GRID2: variants seen among roughly 807,000 people sequenced by gnomAD.
The protein encoded by GRID2 is glutamate ionotropic receptor delta type subunit 2.
A neutral mutation model predicts 114.8 loss-of-function variants in GRID2; 33 were observed. The observed-to-expected ratio is 0.29, with a 90% CI of 0.22 to 0.38. The LOEUF is 0.38. Ranked by LOEUF, GRID2 falls within the 10% of genes least tolerant of loss-of-function variation. GRID2 has a pLI of 1.00. For missense variants in GRID2, 1,184 were observed against 1,257.7 expected (o/e 0.94, Z 0.89); for synonymous variants, 505 against 449.9 (o/e 1.12, Z -1.55).
intron 1 of GRID2, among the ~76,000 whole-genome samples, chr4:92,587,681 A>G (rs1728513067): frequency 6.6e-6 from 1 of 152,208 alleles, no homozygotes; most frequent in Non-Finnish European, 1.5e-5. Context: ...CTGTTTGCAG[A>G]AAGATGAACT....
intron 14 of GRID2, among the ~76,000 whole-genome samples, chr4:93,750,542 A>G (rs1321789892): frequency 4.6e-5 from 7 of 151,844 alleles, no homozygotes; most frequent in African/African-American, 1.5e-4. Flanking sequence ...GGCCAAGGTG[A>G]GTGGATCACA....
chr4:93,095,917 G>T (rs927958451), intron 3 of GRID2, among the ~76,000 whole-genome samples: 1 of 151,940 alleles, frequency 6.6e-6, no homozygotes, highest in African/African-American at 2.4e-5. Flanking sequence ...CTAACATTGT[G>T]TAAAGATCTT....
intron 13 of GRID2, among the ~76,000 whole-genome samples, chr4:93,573,766 G>A (rs1171745332): frequency 6.6e-6 from 1 of 151,910 alleles, no homozygotes; most frequent in Admixed American, 6.6e-5. Flanking sequence ...TGTTCTTTTG[G>A]GAGCTTTGCA....
intron 1 of GRID2, among the ~76,000 whole-genome samples, chr4:92,556,666 G>A (rs909327264): frequency 8.5e-5 from 13 of 152,186 alleles, no homozygotes; most frequent in South Asian, 6.2e-4. Flanking sequence ...GAAGGCTCAC[G>A]TGAGTGAGTA....
intron 4 of GRID2, among the ~76,000 whole-genome samples, chr4:93,135,541 CTGTT>C (rs915295555): frequency 6.6e-6 from 1 of 152,128 alleles, no homozygotes; most frequent in Non-Finnish European, 1.5e-5. Context: ...ACTGCTATGA[CTGTT>C]TGTGTCCTTC....
intron 2 of GRID2, among the ~76,000 whole-genome samples, chr4:93,034,521 A>C (rs1457957827): frequency 1.3e-5 from 2 of 152,092 alleles, no homozygotes; most frequent in Non-Finnish European, 2.9e-5. Flanking sequence ...TATACTGCCC[A>C]TTGAACACGA....
chr4:92,830,952 G>A (rs1276341096), intron 2 of GRID2, among the ~76,000 whole-genome samples: 2 of 152,136 alleles, frequency 1.3e-5, no homozygotes, highest in African/African-American at 2.4e-5. Flanking sequence ...TTTCTCAGGA[G>A]GAGATAGAAT....
intron 8 of GRID2, among the ~76,000 whole-genome samples, chr4:93,271,687 C>T (rs1480392633): frequency 6.6e-6 from 1 of 151,994 alleles, no homozygotes; most frequent in African/African-American, 2.4e-5. Context: ...GGTCATAGGA[C>T]CTGTCTAAAT....
chr4:92,653,632 G>C (rs929069522), intron 2 of GRID2, among the ~76,000 whole-genome samples: 11 of 151,944 alleles, frequency 7.2e-5, no homozygotes, highest in Admixed American at 7.2e-4. Flanking sequence ...GAATTTAAAT[G>C]TTCATTGATT....
chr4:92,803,832 G>A (rs1278546542), intron 2 of GRID2, among the ~76,000 whole-genome samples: 1 of 152,000 alleles, frequency 6.6e-6, no homozygotes, highest in Non-Finnish European at 1.5e-5. Context: ...GGCTTCAAAT[G>A]ACAATGAGAC....
intron 13 of GRID2, among the ~76,000 whole-genome samples, chr4:93,584,925 T>C (rs1372011651): frequency 1.3e-5 from 2 of 152,144 alleles, no homozygotes; most frequent in East Asian, 3.9e-4. Flanking sequence ...GAGGAATGAG[T>C]AGGAGCATTG....
chr4:92,661,063 C>T (rs894787535), intron 2 of GRID2, among the ~76,000 whole-genome samples: 10 of 150,694 alleles, frequency 6.6e-5, no homozygotes, highest in African/African-American at 9.7e-5. Context: ...TTAAAATAAC[C>T]GTGGGCAGAG....
intron 1 of GRID2, among the ~76,000 whole-genome samples, chr4:92,398,210 T>C (rs1396421239): frequency 6.6e-6 from 1 of 151,986 alleles, no homozygotes; most frequent in Admixed American, 6.6e-5. Context: ...TATGAAAGTA[T>C]CGTCAAGATA....
chr4:93,177,051 T>C (rs1331925650), intron 4 of GRID2, among the ~76,000 whole-genome samples: 2 of 152,142 alleles, frequency 1.3e-5, no homozygotes, highest in African/African-American at 4.8e-5. Flanking sequence ...GTGATACCGA[T>C]GTATTTATGG....
intron 2 of GRID2, among the ~76,000 whole-genome samples, chr4:92,622,259 A>G (rs1413937950): frequency 1.3e-5 from 2 of 151,920 alleles, no homozygotes; most frequent in South Asian, 2.1e-4. Context: ...AGGAATGCCA[A>G]TACTAAAAAG....
At chr4:92,892,798 A>G (rs1397355232) in intron 2 of GRID2, among the ~76,000 whole-genome samples, 1 of 152,176 alleles carries the variant, frequency 6.6e-6, no homozygotes, top group Non-Finnish European at 1.5e-5. Context: ...CAAATGATCT[A>G]CTCTTCTACT....
intron 2 of GRID2, among the ~76,000 whole-genome samples, chr4:92,949,132 A>ATGTGTGTG (rs112763953): frequency 6.7e-6 from 1 of 149,310 alleles, no homozygotes; most frequent in African/African-American, 2.5e-5. Context: ...GACAAAGAAA[A>ATGTGTGTG]TGTGTGTGTG....
intron 1 of GRID2, among the ~76,000 whole-genome samples, chr4:92,456,742 T>C (rs1721234595): frequency 6.6e-6 from 1 of 152,146 alleles, no homozygotes; most frequent in Non-Finnish European, 1.5e-5. Flanking sequence ...TACAAGCTAC[T>C]GTATATTAGT....
intron 2 of GRID2, among the ~76,000 whole-genome samples, chr4:92,929,469 T>A (rs1214800843): frequency 6.6e-6 from 1 of 151,446 alleles, no homozygotes; most frequent in African/African-American, 2.4e-5. Flanking sequence ...TAGGTTATAA[T>A]GTTTTAACTT....
Sources: gnomAD v4.1 joint callset for allele counts (sites outside exome capture counted in the v4.1 genomes callset) on GRCh38, gnomAD v4.1.1 for gene constraint, MANE v1.5 for transcripts, NCBI Gene and HGNC (gene_info 2026-07-23, HGNC 2026-07-21) for gene names.